Variants in ADCY2 observed in about 807,000 individuals in gnomAD.
ADCY2 encodes the protein adenylate cyclase type 2.
A neutral mutation model predicts 125.2 loss-of-function variants in ADCY2; 31 were observed. The observed-to-expected ratio is 0.25, with a 90% CI of 0.19 to 0.33. The LOEUF is 0.33. Among genes scored for constraint, ADCY2 ranks in the 10% least tolerant of loss-of-function variants. The probability of loss-of-function intolerance (pLI) is 1.00; values close to 1 mark genes in which losing one functional copy is unlikely to be tolerated. For missense variants in ADCY2, 904 were observed against 1,418.2 expected (o/e 0.64, Z 5.82); for synonymous variants, 512 against 548.4 (o/e 0.93, Z 0.93).
intron 19 of ADCY2, 146 bp downstream of exon 19, chr5:7,784,595 T>TAC: frequency 1.8e-6 from 1 of 552,970 alleles, no homozygotes; most frequent in African/African-American, 1.9e-5. Context: ...AACTAGTTAG[T>TAC]ACAGGGTGTG....
At chr5:7,717,057 A>G in intron 11 of ADCY2, 100 bp from the exon 12 acceptor site, 1 of 701,026 alleles carries the variant, frequency 1.4e-6, no homozygotes, top group Non-Finnish European at 2.5e-6. Flanking sequence ...TGTCATCTGT[A>G]TCTCATAAGG....
chr5:7,821,063 C>T (rs1447104041), intron 24 of ADCY2, among the ~76,000 whole-genome samples: 1 of 152,066 alleles, frequency 6.6e-6, no homozygotes, highest in Admixed American at 6.6e-5. Context: ...CCAGACACAA[C>T]CCCTCACCTT....
At chr5:7,826,531 A>T in intron 24 of ADCY2, 188 bp from the exon 25 acceptor site, 1 of 725,166 alleles carries the variant, frequency 1.4e-6, no homozygotes, top group Non-Finnish European at 2.3e-6. Flanking sequence ...CCCAGCGCTG[A>T]ATTAAACAAC....
At chr5:7,763,792 G>GC (rs1743305316) in intron 16 of ADCY2, among the ~76,000 whole-genome samples, 1 of 152,160 alleles carries the variant, frequency 6.6e-6, no homozygotes, top group Admixed American at 6.5e-5. Flanking sequence ...CGTTTTTCCA[G>GC]CCAGTGGCAA....
intron 4 of ADCY2, among the ~76,000 whole-genome samples, chr5:7,674,268 T>C (rs929082783): frequency 1.3e-5 from 2 of 152,142 alleles, no homozygotes; most frequent in African/African-American, 4.8e-5. Flanking sequence ...CTTTTCCCGC[T>C]GTATGGGAGG....
At chr5:7,586,529 A>G (rs895156220) in intron 3 of ADCY2, among the ~76,000 whole-genome samples, 3 of 152,098 alleles carry the variant, frequency 2.0e-5, no homozygotes, top group Non-Finnish European at 4.4e-5. Flanking sequence ...GAAAGGAACT[A>G]TGCAGTTAAT....
chr5:7,458,496 A>G (rs984687375), intron 2 of ADCY2, among the ~76,000 whole-genome samples: 2 of 152,174 alleles, frequency 1.3e-5, no homozygotes, highest in African/African-American at 4.8e-5. Flanking sequence ...TTTCCCTCCA[A>G]TATGCGTTTA....
intron 4 of ADCY2, chr5:7,685,203 G>C (rs993918222): frequency 1.3e-5 from 2 of 152,312 alleles, no homozygotes; most frequent in African/African-American, 4.8e-5. Flanking sequence ...TGATCCCTTG[G>C]GTTCTTTCCT....
At chr5:7,741,910 G>A (rs1447187992) in intron 14 of ADCY2, among the ~76,000 whole-genome samples, 2 of 2,606 alleles carry the variant, frequency 7.7e-4, no homozygotes, top group Non-Finnish European at 5.5e-3. Context: ...TGTATCACCT[G>A]TTATCATCAC....
At chr5:7,631,840 G>C (rs1332297052) in intron 4 of ADCY2, among the ~76,000 whole-genome samples, 1 of 152,100 alleles carries the variant, frequency 6.6e-6, no homozygotes, top group African/African-American at 2.4e-5. Flanking sequence ...TTGTCTGCTT[G>C]GACATGTGGT....
intron 2 of ADCY2, among the ~76,000 whole-genome samples, chr5:7,486,312 A>G (rs1375517616): frequency 6.6e-6 from 1 of 152,272 alleles, no homozygotes; most frequent in Admixed American, 6.5e-5. Context: ...TTATACACAC[A>G]GGAGTTAACA....
intron 12 of ADCY2, among the ~76,000 whole-genome samples, chr5:7,718,331 G>A (rs1741660777): frequency 6.6e-6 from 1 of 151,726 alleles, no homozygotes; most frequent in Non-Finnish European, 1.5e-5. Context: ...TGTATTTTCA[G>A]TAGAGACAGG....
At chr5:7,590,084 C>T (rs1736801580) in intron 3 of ADCY2, among the ~76,000 whole-genome samples, 1 of 152,134 alleles carries the variant, frequency 6.6e-6, no homozygotes, top group Non-Finnish European at 1.5e-5. Flanking sequence ...TAGGCTCCGT[C>T]TGCTAAAACC....
chr5:7,533,649 T>C (rs1023130703), intron 3 of ADCY2, among the ~76,000 whole-genome samples: 1 of 152,204 alleles, frequency 6.6e-6, no homozygotes, highest in African/African-American at 2.4e-5. Context: ...GAGCTCATTA[T>C]CATTATTTTC....
chr5:7,579,150 C>A (rs778443506), intron 3 of ADCY2, among the ~76,000 whole-genome samples: 1 of 152,082 alleles, frequency 6.6e-6, no homozygotes, highest in Non-Finnish European at 1.5e-5. Flanking sequence ...ATATCCTGGA[C>A]AAAATATAAA....
chr5:7,763,045 TG>T (rs1743275580), intron 16 of ADCY2, among the ~76,000 whole-genome samples: 2 of 141,942 alleles, frequency 1.4e-5, no homozygotes, highest in Admixed American at 6.9e-5. Flanking sequence ...TCATTTTCTT[TG>T]TTTTTTTTGT....
At chr5:7,681,323 T>C (rs1232109965) in intron 4 of ADCY2, among the ~76,000 whole-genome samples, 1 of 152,204 alleles carries the variant, frequency 6.6e-6, no homozygotes, top group Non-Finnish European at 1.5e-5. Flanking sequence ...GGACAATTAG[T>C]GTTTGAAGAC....
intron 3 of ADCY2, among the ~76,000 whole-genome samples, chr5:7,578,488 G>T (rs1344239629): frequency 6.6e-6 from 1 of 152,170 alleles, no homozygotes; most frequent in East Asian, 1.9e-4. Flanking sequence ...TTTTAAAAGA[G>T]AAATTATTCT....
intron 3 of ADCY2, among the ~76,000 whole-genome samples, chr5:7,532,947 T>C (rs1056099205): frequency 6.6e-6 from 1 of 151,644 alleles, no homozygotes; most frequent in Admixed American, 6.6e-5. Context: ...CATGAGCTTC[T>C]TTAATCTCAA....
Sources: allele counts gnomAD v4.1 joint callset (sites outside exome capture counted in the v4.1 genomes callset), GRCh38; gene constraint gnomAD v4.1.1; transcripts MANE v1.5; gene names NCBI Gene and HGNC (gene_info 2026-07-23, HGNC 2026-07-21).